Variants in CDH12 observed in about 807,000 individuals in gnomAD.
CDH12 encodes the protein cadherin 12, also known as cadherin-12.
A neutral mutation model predicts 74.1 loss-of-function variants in CDH12; 41 were observed. The observed-to-expected ratio is 0.55, with a 90% CI of 0.43 to 0.72. CDH12 has a LOEUF of 0.72. Among genes scored for constraint, CDH12 ranks in the 30% least tolerant of loss-of-function variants. The pLI is 0.00. For missense variants in CDH12, 945 were observed against 977.2 expected (o/e 0.97, Z 0.44); for synonymous variants, 399 against 355.0 (o/e 1.12, Z -1.39).
intron 8 of CDH12, among the ~76,000 whole-genome samples, chr5:21,835,935 T>C (rs920959715): frequency 6.6e-6 from 1 of 151,836 alleles, no homozygotes; most frequent in African/African-American, 2.4e-5. Context: ...GTAGTCCTTC[T>C]ATGTCATAAA....
At chr5:22,264,562 A>T (rs1753639536) in intron 3 of CDH12, among the ~76,000 whole-genome samples, 1 of 152,156 alleles carries the variant, frequency 6.6e-6, no homozygotes, top group Non-Finnish European at 1.5e-5. Flanking sequence ...TTATGAACCA[A>T]GGTGTGTGAG....
At chr5:21,769,357 T>C (rs183900516) in intron 11 of CDH12, among the ~76,000 whole-genome samples, 173 of 152,078 alleles carry the variant, frequency 1.1e-3, no homozygotes, top group African/African-American at 4.1e-3. Flanking sequence ...AGATGGAAAA[T>C]GCTAAGGAAT....
chr5:21,754,509 C>T (rs1462144450), intron 14 of CDH12, among the ~76,000 whole-genome samples: 1 of 152,120 alleles, frequency 6.6e-6, no homozygotes, highest in Non-Finnish European at 1.5e-5. Flanking sequence ...ATACTTTGCT[C>T]TGCACACCAA....
chr5:22,706,681 TTAC>T (rs1184685359), intron 1 of CDH12, among the ~76,000 whole-genome samples: 3 of 152,094 alleles, frequency 2.0e-5, no homozygotes, highest in African/African-American at 7.2e-5. Flanking sequence ...TTTGAATATA[TTAC>T]TACTATAAAT....
At chr5:22,646,347 C>T (rs949029944) in intron 1 of CDH12, among the ~76,000 whole-genome samples, 1 of 151,458 alleles carries the variant, frequency 6.6e-6, no homozygotes, top group Non-Finnish European at 1.5e-5. Context: ...TTATAAGTGC[C>T]CTAAAAATTA....
intron 6 of CDH12, among the ~76,000 whole-genome samples, chr5:21,894,729 C>A (rs563298897): frequency 1.3e-5 from 2 of 151,938 alleles, no homozygotes; most frequent in Non-Finnish European, 2.9e-5. Context: ...TTTTGACCAG[C>A]ATTTAAAACC....
At chr5:21,853,107 C>CA (rs1362204421) in intron 7 of CDH12, among the ~76,000 whole-genome samples, 3 of 151,302 alleles carry the variant, frequency 2.0e-5, no homozygotes, top group Non-Finnish European at 3.0e-5. Flanking sequence ...ACCTTTTCTA[C>CA]AAAAATATAT....
At chr5:21,910,847 C>T (rs1753830774) in intron 6 of CDH12, among the ~76,000 whole-genome samples, 1 of 151,994 alleles carries the variant, frequency 6.6e-6, no homozygotes, top group African/African-American at 2.4e-5. Flanking sequence ...TAATAGTCCT[C>T]AAGTGTTTGC....
At chr5:21,897,703 A>G (rs1753188232) in intron 6 of CDH12, among the ~76,000 whole-genome samples, 2 of 152,210 alleles carry the variant, frequency 1.3e-5, no homozygotes, top group African/African-American at 4.8e-5. Flanking sequence ...TATTCCTCAT[A>G]TAATTTATAA....
chr5:22,357,627 A>G (rs1162594871), intron 3 of CDH12, among the ~76,000 whole-genome samples: 3 of 152,194 alleles, frequency 2.0e-5, no homozygotes, highest in African/African-American at 7.2e-5. Context: ...AACGCATTGG[A>G]TTGATATAAG....
intron 3 of CDH12, among the ~76,000 whole-genome samples, chr5:22,345,075 C>CA (rs1357144910): frequency 6.6e-6 from 1 of 152,194 alleles, no homozygotes; most frequent in African/African-American, 2.4e-5. Flanking sequence ...AAATAAAACA[C>CA]AATGTCTTAA....
At chr5:22,190,225 C>G (rs1580378701) in intron 4 of CDH12, among the ~76,000 whole-genome samples, 1 of 152,110 alleles carries the variant, frequency 6.6e-6, no homozygotes, top group Non-Finnish European at 1.5e-5. Context: ...TACTCCCTCA[C>G]TTCTCCTCTA....
chr5:22,267,113 T>A (rs1736157652), intron 3 of CDH12, among the ~76,000 whole-genome samples: 1 of 152,176 alleles, frequency 6.6e-6, no homozygotes, highest in Admixed American at 6.5e-5. Context: ...CCCTAGTGTA[T>A]TCAAAGCTCT....
At chr5:22,391,519 A>G (rs1299116875) in intron 3 of CDH12, among the ~76,000 whole-genome samples, 1 of 152,154 alleles carries the variant, frequency 6.6e-6, no homozygotes, top group Non-Finnish European at 1.5e-5. Context: ...CACATAAATC[A>G]GAGGAGAATT....
At chr5:22,627,280 C>G (rs71609301) in intron 1 of CDH12, among the ~76,000 whole-genome samples, 2 of 151,788 alleles carry the variant, frequency 1.3e-5, no homozygotes, top group South Asian at 4.1e-4. Context: ...CCCCAAGACA[C>G]GTAGTCATCA....
At chr5:22,114,429 G>A (rs1013427446) in intron 4 of CDH12, among the ~76,000 whole-genome samples, 2 of 151,820 alleles carry the variant, frequency 1.3e-5, no homozygotes, top group African/African-American at 4.8e-5. Context: ...TGGACAATTG[G>A]TTACACCTAT....
chr5:22,677,342 A>T (rs1741249217), intron 1 of CDH12, among the ~76,000 whole-genome samples: 1 of 152,120 alleles, frequency 6.6e-6, no homozygotes, highest in African/African-American at 2.4e-5. Flanking sequence ...AAGATCAAGA[A>T]GTCAACAGAC....
intron 2 of CDH12, among the ~76,000 whole-genome samples, chr5:22,453,324 A>G (rs1362505923): frequency 6.6e-6 from 1 of 152,186 alleles, no homozygotes; most frequent in Non-Finnish European, 1.5e-5. Context: ...CCAAAAAATG[A>G]GATCAACCTA....
At chr5:22,348,773 G>T (rs1740232985) in intron 3 of CDH12, among the ~76,000 whole-genome samples, 1 of 152,188 alleles carries the variant, frequency 6.6e-6, no homozygotes, top group African/African-American at 2.4e-5. Flanking sequence ...TGGATGGGAT[G>T]TCCATAATGC....
Sources: allele counts gnomAD v4.1 joint callset (sites outside exome capture counted in the v4.1 genomes callset), GRCh38; gene constraint gnomAD v4.1.1; transcripts MANE v1.5; gene names NCBI Gene and HGNC (gene_info 2026-07-23, HGNC 2026-07-21).